The following SOX11 variants were observed in gnomAD, a reference collection of about 807,000 sequenced individuals.
SOX11 encodes the protein SRY-box transcription factor 11.
In SOX11, 5 loss-of-function variants were observed where a neutral mutation model predicts 16.7. The observed-to-expected ratio is 0.30, with a 90% CI of 0.16 to 0.63. The LOEUF is 0.63. Among genes scored for constraint, SOX11 ranks in the 20% least tolerant of loss-of-function variants. The pLI, the probability that SOX11 is intolerant of heterozygous loss-of-function variation, is 0.82. For synonymous variants in SOX11, 363 were observed against 298.8 expected, an observed-to-expected ratio of 1.21 and a Z score of -2.22; for missense variants, 492 against 641.5, an observed-to-expected ratio of 0.77 and a Z score of 2.52.
rs1479245018 is a variant in SOX11, at chr2:5,693,335, T to G, written c.614T>G (p.Val205Gly). ...GACTACGTGCTGGGCAGCCTGCGCG[T>G]GAGCGGCTCGGGCGGCGGCGGCGCG... ...GDDYVLGSLR[V>G]SGSGGGGAGK... Residue 205 changes from valine (V) to glycine (G), a missense_variant, in exon 1 of 1, where the codon GTG becomes GGG. Physicochemically the swap from Val to Gly is moderately radical, Grantham distance 109 (BLOSUM62 -3). Transcript: ENST00000322002. The surrounding 1 kb of genome is among the most constrained non-coding windows in gnomAD (Gnocchi z 8.6). 1.9e-6 allele frequency: 3 copies of G among 1,586,382 alleles called. No individual in the cohort carries two copies. Among genetic ancestry groups the G allele is most frequent in the East Asian group, 2.3e-5 (1 of 44,302 alleles).
Position 5,698,086 on chromosome 2 carries a change from T to G in SOX11, c.*4039T>G, listed in dbSNP as rs1034507905. 6.0e-6 allele frequency: 1 copy of G among 166,982 alleles called. No homozygotes were observed. Among genetic ancestry groups the G allele is most frequent in the Non-Finnish European group, 1.5e-5 (1 of 68,124 alleles). The allele number at this position is 166,982 out of a possible 1,614,324, so 10.3% of individuals were successfully genotyped here. A position where few individuals can be genotyped will look rare whatever the true frequency, so the allele number is the denominator to read the frequency against. ...TGATACAAAAATAAAAGTAATTGTT[T>G]GGCAATCTAAATTTAAAACCTGTTA... On this transcript the variant is annotated 3_prime_UTR_variant, in exon 1 of 1. Coordinates refer to ENST00000322002, the MANE Select transcript of SOX11 (RefSeq NM_003108.4).
Position 5,693,170 on chromosome 2 carries a change from C to T in SOX11, c.449C>T (p.Ala150Val). 6.4e-7 allele frequency: 1 copy of T among 1,564,834 alleles called. No homozygotes were observed. The highest frequency in any genetic ancestry group is 8.6e-7 in the Non-Finnish European group (1 of 1,157,638). ...GCGGCCGGCGGCGGCGGCGGGAGCG[C>T]GGGCGGAGGCGCGGGCGGTGCCAAG... ...KSAAGGGGGS[A>V]GGGAGGAKTS... Residue 150 changes from alanine (A) to valine (V), a missense_variant, in exon 1 of 1, where the codon GCG (alanine) becomes GTG (valine). By Grantham distance (64) the Ala-to-Val change is moderately conservative (BLOSUM62 0). Transcript: ENST00000322002. The surrounding 1 kb of genome is among the most constrained non-coding windows in gnomAD (Gnocchi z 8.6).
rs940443119 is a variant in SOX11, at chr2:5,695,899, C to T, written c.*1852C>T. ...AGCTCCCCATTTCCTTTCTCACCTC[C>T]TCCTCCACTCCCTGCCTCTTCTCCC... On this transcript the variant is annotated 3_prime_UTR_variant, in exon 1 of 1. Transcript: ENST00000322002. 6.0e-6 allele frequency: 1 copy of T among 167,416 alleles called. No individual in the cohort carries two copies. 10.4% of individuals were successfully genotyped at this position (167,416 alleles called of 1,614,324 possible).
chr2:5,694,276 G>A lies in SOX11; in HGVS notation c.*229G>A, dbSNP rs1047868074. ...AATTTTGGTGGAGTTAAAGTGAAAT[G>A]AGTAGTTTTTAAACATTTTTCCTGT... is the stretch of plus-strand genomic sequence containing the variant. On this transcript the variant is annotated 3_prime_UTR_variant, in exon 1 of 1. Transcript: ENST00000322002. 1 of 547,270 alleles carries A rather than the reference G, an allele frequency of 1.8e-6. No individual in the cohort carries two copies. The highest frequency in any genetic ancestry group is 3.2e-5 in the East Asian group (1 of 31,028). The allele number at this position is 547,270 out of a possible 1,614,324, so 33.9% of individuals were successfully genotyped here.
chr2:5,697,521 C>G lies in SOX11; in HGVS notation c.*3474C>G, dbSNP rs958711828. Reference sequence around the variant, plus strand: ...CCTCCCGCTCTGGGCGAGCCTCCTCCCCAGCCCCCACCCCTGGGATGCGAA... The same window carrying G: ...CCTCCCGCTCTGGGCGAGCCTCCTCGCCAGCCCCCACCCCTGGGATGCGAA... On this transcript the variant is annotated 3_prime_UTR_variant, in exon 1 of 1. Coordinates refer to ENST00000322002, the MANE Select transcript of SOX11 (RefSeq NM_003108.4). 54 of 166,402 alleles carry G rather than the reference C, an allele frequency of 3.2e-4. No homozygotes were observed. Among genetic ancestry groups the G allele is most frequent in the Middle Eastern group, 3.1e-3 (1 of 318 alleles). The allele number at this position is 166,402 out of a possible 1,614,324, so 10.3% of individuals were successfully genotyped here. A position where few individuals can be genotyped will look rare whatever the true frequency, so the allele number is the denominator to read the frequency against.
In SOX11 at chr2:5,694,176, G is replaced by A; in HGVS notation, c.*129G>A. On this transcript the variant is annotated 3_prime_UTR_variant, in exon 1 of 1. Coordinates refer to ENST00000322002, the MANE Select transcript of SOX11 (RefSeq NM_003108.4). Reference sequence around the variant, plus strand: ...TGGTGTTGATGGTGGCGGTGGTAGGGTGGAGGGGAGAGAAGAAGATGCTGA... The same window carrying A: ...TGGTGTTGATGGTGGCGGTGGTAGGATGGAGGGGAGAGAAGAAGATGCTGA... 2.5e-6 allele frequency: 3 copies of A among 1,205,036 alleles called. No individual in the cohort carries two copies. Among genetic ancestry groups the A allele is most frequent in the Non-Finnish European group, 3.4e-6 (3 of 884,500 alleles). The allele number at this position is 1,205,036 out of a possible 1,614,324, so 74.6% of individuals were successfully genotyped here.
At position 5,699,407 on chromosome 2, in the gene SOX11, A is replaced by G. The variant is rs1183277509; in HGVS notation, c.*5360A>G. On this transcript the variant is annotated 3_prime_UTR_variant, in exon 1 of 1. Transcript: ENST00000322002. ...AGGATAACAAGAATGAGCCTTACCTATCCTAACACAGGGATTTACAAGTTC... is the reference window on the plus strand; with the variant it reads ...AGGATAACAAGAATGAGCCTTACCTGTCCTAACACAGGGATTTACAAGTTC... 6.0e-6 allele frequency: 1 copy of G among 167,092 alleles called. No homozygotes were observed. The highest frequency in any genetic ancestry group is 1.5e-5 in the Non-Finnish European group (1 of 68,120). 10.4% of individuals were successfully genotyped at this position (167,092 alleles called of 1,614,324 possible).
chr2:5,692,707 G>T lies in SOX11; in HGVS notation c.-15G>T. The T allele has an allele frequency of 1.3e-6, 2 of 1,562,148 alleles. No individual in the cohort carries two copies. Among genetic ancestry groups the T allele is most frequent in the Non-Finnish European group, 8.7e-7 (1 of 1,150,784 alleles). Reference sequence around the variant, plus strand: ...CCAGCGGCCCGGGTTGGAGCGTCCAGCCCTGCAGCGGATCATGGTGCAGCA... The same window carrying T: ...CCAGCGGCCCGGGTTGGAGCGTCCATCCCTGCAGCGGATCATGGTGCAGCA... On this transcript the variant is annotated 5_prime_UTR_variant, in exon 1 of 1. Coordinates refer to ENST00000322002, the MANE Select transcript of SOX11 (RefSeq NM_003108.4).
rs1264109057 is a variant in SOX11, at chr2:5,696,721, G to T, written c.*2674G>T. 1 of 151,834 alleles carries T rather than the reference G, an allele frequency of 6.6e-6. No individual in the cohort carries two copies. 9.4% of individuals were successfully genotyped at this position (151,834 alleles called of 1,614,324 possible). A position where few individuals can be genotyped will look rare whatever the true frequency, so the allele number is the denominator to read the frequency against. On this transcript the variant is annotated 3_prime_UTR_variant, in exon 1 of 1. Transcript: ENST00000322002. ...CGCTGGCTTCCCGGGCCCGCGGGCC[G>T]GGGAGGGAAGCCTCGGGGCTGCGGG...
chr2:5,693,679 A>G lies in SOX11; in HGVS notation c.958A>G (p.Lys320Glu). The G allele has an allele frequency of 6.3e-7, 1 of 1,598,820 alleles. No individual in the cohort carries two copies. Residue 320 changes from lysine to glutamate, a missense_variant, in exon 1 of 1, where the codon AAG (lysine) becomes GAG (glutamate). This residue lies in a region of SOX11 where 389 missense variants were observed against 389.0 expected (regional missense o/e 1.00). Transcript: ENST00000322002. This position sits in a 1 kb window ranked among gnomAD's most constrained non-coding sequence, Gnocchi z 8.6. ...RLYYSFKNIT[K>E]QHPPPLAQPA... is the part of the protein sequence containing the mutation. ...CTACTACAGCTTCAAGAACATCACC[A>G]AGCAGCACCCGCCGCCGCTCGCGCA...
rs775094616 is a variant in SOX11, at chr2:5,693,450, G to A, written c.729G>A (p.Pro243=). The change falls in exon 1 of 1, where the codon CCG becomes CCA. Residue 243 remains proline (P), a synonymous_variant. Coordinates refer to ENST00000322002, the MANE Select transcript of SOX11 (RefSeq NM_003108.4). This position sits in a 1 kb window ranked among gnomAD's most constrained non-coding sequence, Gnocchi z 8.6. ...TGCAGCTGCAGATCAAACAGGAGCC[G>A]GACGAGGAGGACGAGGAACCACCGC... ...DELQLQIKQE[P]DEEDEEPPHQ... The A allele has an allele frequency of 2.5e-6, 4 of 1,588,720 alleles. No individual in the cohort carries two copies. Among genetic ancestry groups the A allele is most frequent in the South Asian group, 1.1e-5 (1 of 89,642 alleles).
At position 5,694,211 on chromosome 2, in the gene SOX11, T is replaced by C; in HGVS notation, c.*164T>C. 1 of 897,960 alleles carries C rather than the reference T, an allele frequency of 1.1e-6. No individual in the cohort carries two copies. Among genetic ancestry groups the C allele is most frequent in the Non-Finnish European group, 1.6e-6 (1 of 626,520 alleles). The allele number at this position is 897,960 out of a possible 1,614,324, so 55.6% of individuals were successfully genotyped here. A position where few individuals can be genotyped will look rare whatever the true frequency, so the allele number is the denominator to read the frequency against. ...GAGAAGAAGATGCTGATGATATTGA[T>C]AAGATGTCGTGACGCAAAGAAATTG... On this transcript the variant is annotated 3_prime_UTR_variant, in exon 1 of 1. Coordinates refer to ENST00000322002, the MANE Select transcript of SOX11 (RefSeq NM_003108.4).
chr2:5,692,536 C>A lies in SOX11; in HGVS notation c.-186C>A. 2.0e-6 allele frequency: 1 copy of A among 495,028 alleles called. No homozygotes were observed. The allele number at this position is 495,028 out of a possible 1,614,324, so 30.7% of individuals were successfully genotyped here. A position where few individuals can be genotyped will look rare whatever the true frequency, so the allele number is the denominator to read the frequency against. On this transcript the variant is annotated 5_prime_UTR_variant, in exon 1 of 1. Coordinates refer to ENST00000322002, the MANE Select transcript of SOX11 (RefSeq NM_003108.4). ...CTCCCACCGCGCCGGCGGCCGTCGTCGCCGAAGCCACCACAGCCGCTGTGT... is the reference window on the plus strand; with the variant it reads ...CTCCCACCGCGCCGGCGGCCGTCGTAGCCGAAGCCACCACAGCCGCTGTGT...
In SOX11 at chr2:5,693,527, G is replaced by T; in HGVS notation, c.806G>T (p.Arg269Leu). The change falls in exon 1 of 1, where the codon CGC becomes CTC. Residue 269 changes from arginine to leucine, a missense_variant. This residue lies in a region of SOX11 where 389 missense variants were observed against 389.0 expected (regional missense o/e 1.00). Transcript: ENST00000322002. This position sits in a 1 kb window ranked among gnomAD's most constrained non-coding sequence, Gnocchi z 8.6. ...CAGCAGCCGTCGCAGCTGCTGAGAC[G>T]CTACAACGTCGCCAAAGTGCCCGCC... ...PGQQPSQLLRRYNVAKVPASP... is the reference protein window; with the variant it reads ...PGQQPSQLLRLYNVAKVPASP... 1.3e-6 allele frequency: 2 copies of T among 1,571,164 alleles called. No homozygotes were observed. The highest frequency in any genetic ancestry group is 2.3e-5 in the East Asian group (1 of 43,210).
At position 5,698,469 on chromosome 2, in the gene SOX11, T is replaced by C. The variant is rs1021734474; in HGVS notation, c.*4422T>C. 1 of 167,008 alleles carries C rather than the reference T, an allele frequency of 6.0e-6. No homozygotes were observed. Among genetic ancestry groups the C allele is most frequent in the Non-Finnish European group, 1.5e-5 (1 of 68,094 alleles). 10.3% of individuals were successfully genotyped at this position (167,008 alleles called of 1,614,324 possible). On this transcript the variant is annotated 3_prime_UTR_variant, in exon 1 of 1. Coordinates refer to ENST00000322002, the MANE Select transcript of SOX11 (RefSeq NM_003108.4). ...TGGTAAGCTTTCCATCTTTAAGAAA[T>C]TGAACCAGCATTCTCTTATTAATTC... is the stretch of plus-strand genomic sequence containing the variant.
chr2:5,694,079 G>T lies in SOX11; in HGVS notation c.*32G>T. On this transcript the variant is annotated 3_prime_UTR_variant, in exon 1 of 1. Coordinates refer to ENST00000322002, the MANE Select transcript of SOX11 (RefSeq NM_003108.4). ...CCCGCTGCTCGCTCTTTCTCTCGGA[G>T]GGTGCAGAGCTGGGTTCCTTGGGAG... The T allele has an allele frequency of 1.3e-6, 2 of 1,536,834 alleles. No homozygotes were observed. The highest frequency in any genetic ancestry group is 1.2e-5 in the South Asian group (1 of 82,420).
rs753494944 is a variant in SOX11 at position 5,692,859 on chromosome 2, G to A, written c.138G>A (p.Ser46=). ...ESDPDWCKTA[S]GHIKRPMNAF... is the part of the protein sequence containing the mutation. ...ACCCAGACTGGTGCAAGACGGCGTC[G>A]GGCCACATCAAGCGGCCGATGAACG... The change falls in exon 1 of 1, where the codon TCG becomes TCA. Residue 46 remains serine, a synonymous_variant. Transcript: ENST00000322002. 2.5e-6 allele frequency: 4 copies of A among 1,613,880 alleles called. No individual in the cohort carries two copies. The highest frequency in any genetic ancestry group is 2.2e-5 in the East Asian group (1 of 44,826).
In SOX11 at chr2:5,694,117, GTGATGATGATGA is replaced by G. The variant is rs3841075; in HGVS notation, c.*75_*86del. ...GGTTCCTTGGGAGGAAGTTGTAGTGGTGATGATGATGATGATAATGATGATGATGATGGTGGT... is the reference window on the plus strand; with the variant it reads ...GGTTCCTTGGGAGGAAGTTGTAGTGGTGATAATGATGATGATGATGGTGGT... On this transcript the variant is annotated 3_prime_UTR_variant, in exon 1 of 1. Transcript: ENST00000322002. 7 of 1,445,464 alleles carry G rather than the reference GTGATGATGATGA, an allele frequency of 4.8e-6. No homozygotes were observed. The highest frequency in any genetic ancestry group is 3.8e-4 in the Middle Eastern group (2 of 5,216). 89.5% of individuals were successfully genotyped at this position (1,445,464 alleles called of 1,614,324 possible). A position where few individuals can be genotyped will look rare whatever the true frequency, so the allele number is the denominator to read the frequency against.
rs1665781226 is a variant in SOX11, at chr2:5,698,484, C to T, written c.*4437C>T. On this transcript the variant is annotated 3_prime_UTR_variant, in exon 1 of 1. Coordinates refer to ENST00000322002, the MANE Select transcript of SOX11 (RefSeq NM_003108.4). ...CTTTAAGAAATTGAACCAGCATTCTCTTATTAATTCTTTAAACTGTGGAAG... is the reference window on the plus strand; with the variant it reads ...CTTTAAGAAATTGAACCAGCATTCTTTTATTAATTCTTTAAACTGTGGAAG... 6.0e-6 allele frequency: 1 copy of T among 166,606 alleles called. No homozygotes were observed. The highest frequency in any genetic ancestry group is 1.5e-5 in the Non-Finnish European group (1 of 68,068). 10.3% of individuals were successfully genotyped at this position (166,606 alleles called of 1,614,324 possible).
Sources: gnomAD v4.1 joint callset for allele counts on GRCh38, gnomAD v4.1.1 for gene constraint, gnomAD v4.1.1 regional missense constraint, Gnocchi (gnomAD v3.1) non-coding constraint, MANE v1.5 for transcripts, NCBI Gene and HGNC (gene_info 2026-07-23, HGNC 2026-07-21) for gene names.